MBTPS2: variants seen among roughly 807,000 people sequenced by gnomAD.
MBTPS2 encodes the protein membrane bound transcription factor peptidase, site 2.
A neutral mutation model predicts 35.4 loss-of-function variants in MBTPS2; 2 were observed. The observed-to-expected ratio is 0.06, with a 90% CI of 0.02 to 0.18. MBTPS2 has a LOEUF of 0.18. Ranked by LOEUF, MBTPS2 falls within the 10% of genes least tolerant of loss-of-function variation. The pLI is 1.00. For synonymous variants in MBTPS2, 125 were observed against 140.4 expected, an observed-to-expected ratio of 0.89 and a Z score of 0.77; for missense variants, 244 against 386.5, an observed-to-expected ratio of 0.63 and a Z score of 3.09.
chrX:21,846,412 C>G (rs754621799), intron 3 of MBTPS2, among the ~76,000 whole-genome samples: 11 of 111,508 alleles, frequency 9.9e-5, no homozygotes, highest in Non-Finnish European at 1.5e-4. Flanking sequence ...CTCTTGCTGC[C>G]CAGGCTGGAG....
chrX:21,869,465 C>T (rs1402429543), intron 6 of MBTPS2, 33 bp from the exon 7 acceptor site: 4 of 1,096,227 alleles, frequency 3.6e-6, no homozygotes, highest in Non-Finnish European at 5.1e-6. Context: ...TGTCTTCATG[C>T]ATTATCTGAT....
At chrX:21,844,506 C>A (rs963911897) in intron 2 of MBTPS2, among the ~76,000 whole-genome samples, 1 of 111,565 alleles carries the variant, frequency 9.0e-6, no homozygotes, top group Admixed American at 9.5e-5. Flanking sequence ...ACAGTGGGAC[C>A]CTGTCTCAAA....
chrX:21,863,062 C>G (rs1398407365), intron 5 of MBTPS2, among the ~76,000 whole-genome samples: 3 of 90,798 alleles, frequency 3.3e-5, no homozygotes, highest in African/African-American at 1.2e-4. Flanking sequence ...TCAAGACCAG[C>G]CTGAGCAAAA....
chrX:21,883,837 T>C lies in MBTPS2; in HGVS notation c.*1182T>C. 1 of 754,372 alleles carries C rather than the reference T, an allele frequency of 1.3e-6. No individual in the cohort carries two copies. Among genetic ancestry groups the C allele is most frequent in the Non-Finnish European group, 1.6e-6 (1 of 639,449 alleles). The allele number at this position is 754,372 out of a possible 1,213,427, so 62.2% of individuals were successfully genotyped here. On this transcript the variant is annotated 3_prime_UTR_variant, in exon 11 of 11. Coordinates refer to ENST00000379484, the MANE Select transcript of MBTPS2 (RefSeq NM_015884.4). ...TTCTTGAGCCCAGAAGAGCCACGCCTGCTTTGAGGTCTTTTGGAGTGGAGA... is the reference window on the plus strand; with the variant it reads ...TTCTTGAGCCCAGAAGAGCCACGCCCGCTTTGAGGTCTTTTGGAGTGGAGA...
At chrX:21,861,746 A>G (rs1569325359) in intron 5 of MBTPS2, among the ~76,000 whole-genome samples, 2 of 111,171 alleles carry the variant, frequency 1.8e-5, no homozygotes, top group Non-Finnish European at 3.8e-5. Context: ...ATATAGTATA[A>G]TAATTTGATA....
chrX:21,856,590 C>A (rs1303580432), intron 5 of MBTPS2: 1 of 1,210,465 alleles, frequency 8.3e-7, no homozygotes, highest in Admixed American at 2.2e-5. Flanking sequence ...GGAGGACATT[C>A]CGACGGAAAG....
chrX:21,872,644 T>G (rs2092948574), intron 7 of MBTPS2: 1 of 110,451 alleles, frequency 9.1e-6, no homozygotes, highest in Non-Finnish European at 1.9e-5. Context: ...AAATGGAGTA[T>G]GTATACTTAG....
chrX:21,868,682 C>T (rs1054308927), intron 6 of MBTPS2, 97 bp downstream of exon 6: 1 of 615,923 alleles, frequency 1.6e-6, no homozygotes, highest in Non-Finnish European at 2.8e-6. Context: ...TCTTCATATA[C>T]AAAATGCTTA....
intron 5 of MBTPS2, chrX:21,855,975 C>T (rs933858767): frequency 8.7e-6 from 1 of 115,454 alleles, no homozygotes; most frequent in Non-Finnish European, 1.8e-5. Flanking sequence ...TATTAAATGT[C>T]GTATTAGTGC....
In MBTPS2 at chrX:21,884,778, A is replaced by G. The variant is rs1013770758; in HGVS notation, c.*2123A>G. The G allele has an allele frequency of 2.9e-5, 19 of 664,840 alleles. No homozygotes were observed. The highest frequency in any genetic ancestry group is 3.2e-5 in the Non-Finnish European group (18 of 558,942). 54.8% of individuals were successfully genotyped at this position (664,840 alleles called of 1,213,427 possible). On this transcript the variant is annotated 3_prime_UTR_variant, in exon 11 of 11. Transcript: ENST00000379484. ...AATAAATGCAGTTGAATGGATAATG[A>G]TTAGTGTTATTTATGGATTAGAAAA...
chrX:21,857,083 G>A (rs1368016320), intron 5 of MBTPS2: 1 of 1,209,945 alleles, frequency 8.3e-7, no homozygotes, highest in East Asian at 3.0e-5. Flanking sequence ...GGGGCAGTGG[G>A]TGAAGGCCAG....
At chrX:21,870,578 CCTTA>C (rs2092946200) in intron 7 of MBTPS2, 1 of 111,962 alleles carries the variant, frequency 8.9e-6, no homozygotes, top group African/African-American at 3.2e-5. Context: ...GAAAAAATTC[CCTTA>C]CTTCTTAAAA....
intron 5 of MBTPS2, chrX:21,857,339 T>C (rs1173768074): frequency 9.1e-6 from 11 of 1,210,897 alleles, no homozygotes; most frequent in Non-Finnish European, 1.1e-5. Flanking sequence ...TCCACGTATG[T>C]GCAGAATGTG....
chrX:21,857,616 C>G lies in MBTPS2; in HGVS notation c.670+4113C>G, dbSNP rs780193579. On this transcript the variant is annotated intron_variant, in intron 5 of 10. Transcript: ENST00000379484. ...AAACAACCCGTGAAAAGGAGAAGAC[C>G]CCTCTCAGACTTGGGAATTATCTTC... 4 of 1,184,737 alleles carry G rather than the reference C, an allele frequency of 3.4e-6. No individual in the cohort carries two copies. In the Admixed American group the frequency reaches 9.4e-5, roughly 28 times the overall value.
Position 21,869,492 on chromosome X carries a change from C to T in MBTPS2, c.790-6C>T. 2 of 1,204,647 alleles carry T rather than the reference C, an allele frequency of 1.7e-6. No individual in the cohort carries two copies. Among genetic ancestry groups the T allele is most frequent in the East Asian group, 3.0e-5 (1 of 33,818 alleles). ...TTATCTGATTTGGTTTTACCCTCTT[C>T]CCAAGGACTCTCCTGCCATTGGACC... On this transcript the variant is annotated splice_region_variant and splice_polypyrimidine_tract_variant and intron_variant, in intron 6 of 10. Coordinates refer to ENST00000379484, the MANE Select transcript of MBTPS2 (RefSeq NM_015884.4).
In MBTPS2 at chrX:21,884,089, A is replaced by C; in HGVS notation, c.*1434A>C. Reference sequence around the variant, plus strand: ...TATTGAGTTGCTCTGTAAGCACTAAAACTTTTTAATCATTTTTAAGAAACT... The same window carrying C: ...TATTGAGTTGCTCTGTAAGCACTAACACTTTTTAATCATTTTTAAGAAACT... On this transcript the variant is annotated 3_prime_UTR_variant, in exon 11 of 11. Coordinates refer to ENST00000379484, the MANE Select transcript of MBTPS2 (RefSeq NM_015884.4). 2 of 749,322 alleles carry C rather than the reference A, an allele frequency of 2.7e-6. No homozygotes were observed. Among genetic ancestry groups the C allele is most frequent in the South Asian group, 1.4e-4 (2 of 14,753 alleles). The allele number at this position is 749,322 out of a possible 1,213,427, so 61.8% of individuals were successfully genotyped here. A position where few individuals can be genotyped will look rare whatever the true frequency, so the allele number is the denominator to read the frequency against.
In MBTPS2 at chrX:21,884,665, T is replaced by C; in HGVS notation, c.*2010T>C. 1.3e-6 allele frequency: 1 copy of C among 744,530 alleles called. No individual in the cohort carries two copies. The highest frequency in any genetic ancestry group is 1.6e-6 in the Non-Finnish European group (1 of 630,450). The allele number at this position is 744,530 out of a possible 1,213,427, so 61.4% of individuals were successfully genotyped here. A position where few individuals can be genotyped will look rare whatever the true frequency, so the allele number is the denominator to read the frequency against. ...AAAGAAAATGTTACGTGTTTTCTTC[T>C]TTAGCTTGGTTGTGGGCACTTCTAC... On this transcript the variant is annotated 3_prime_UTR_variant, in exon 11 of 11. Transcript: ENST00000379484.
At chrX:21,855,016 G>C (rs180826760) in intron 5 of MBTPS2, among the ~76,000 whole-genome samples, 71 of 112,089 alleles carry the variant, frequency 6.3e-4, no homozygotes, top group African/African-American at 2.2e-3. Flanking sequence ...CACTGCCTTA[G>C]GCAGTCATGC....
intron 5 of MBTPS2, among the ~76,000 whole-genome samples, chrX:21,867,668 G>A (rs1225051102): frequency 3.1e-5 from 3 of 95,478 alleles, no homozygotes; most frequent in African/African-American, 1.2e-4. Context: ...GTCCTGCTCT[G>A]TGCTATGTCA....
Sources: allele counts gnomAD v4.1 joint callset (sites outside exome capture counted in the v4.1 genomes callset), GRCh38; gene constraint gnomAD v4.1.1; transcripts MANE v1.5; gene names NCBI Gene and HGNC (gene_info 2026-07-23, HGNC 2026-07-21).